Variants in GRID2 observed in about 807,000 individuals in gnomAD.
GRID2 encodes glutamate receptor ionotropic, delta-2.
Under a neutral mutation model 114.8 loss-of-function variants are expected in GRID2, and 33 were observed. That is an observed-to-expected ratio of 0.29 (90% CI 0.22 to 0.38). GRID2 has a LOEUF of 0.38. GRID2 is among the 10% of genes least tolerant of loss of function. GRID2 has a pLI of 1.00. For synonymous variants in GRID2, 505 were observed against 449.9 expected, an observed-to-expected ratio of 1.12 and a Z score of -1.55; for missense variants, 1,184 against 1,257.7, an observed-to-expected ratio of 0.94 and a Z score of 0.89.
At chr4:92,944,113 A>C (rs1034078868) in intron 2 of GRID2, among the ~76,000 whole-genome samples, 1 of 152,206 alleles carries the variant, frequency 6.6e-6, no homozygotes, top group Non-Finnish European at 1.5e-5. Flanking sequence ...CAAAGCTGTC[A>C]GACAGGTACA....
At chr4:92,424,676 T>C (rs1374938932) in intron 1 of GRID2, among the ~76,000 whole-genome samples, 2 of 151,312 alleles carry the variant, frequency 1.3e-5, no homozygotes, top group Non-Finnish European at 3.0e-5. Context: ...AATAAGTGAG[T>C]CAATTTAACA....
chr4:92,883,518 A>G (rs1746160466), intron 2 of GRID2, among the ~76,000 whole-genome samples: 1 of 152,192 alleles, frequency 6.6e-6, no homozygotes, highest in African/African-American at 2.4e-5. Context: ...TTATTTTCCC[A>G]GATTCATCAG....
intron 1 of GRID2, among the ~76,000 whole-genome samples, chr4:92,363,481 A>G (rs1445796820): frequency 2.0e-5 from 3 of 152,032 alleles, no homozygotes; most frequent in Non-Finnish European, 4.4e-5. Flanking sequence ...GAAAAAAACC[A>G]CTACTGCCTA....
chr4:92,825,411 G>A (rs954512169), intron 2 of GRID2, among the ~76,000 whole-genome samples: 8 of 152,114 alleles, frequency 5.3e-5, no homozygotes, highest in Non-Finnish European at 1.0e-4. Flanking sequence ...CTATGGCACC[G>A]AGGAGGGTTA....
rs1054552549 is a variant in GRID2 at position 92,537,605 on chromosome 4, A to G, written c.89-52526A>G. Among the ~76,000 whole-genome samples, 28 of 152,168 alleles carry G rather than the reference A, an allele frequency of 1.8e-4. 1 individual carries two copies. Among genetic ancestry groups the G allele is most frequent in the Non-Finnish European group, 1.2e-4 (8 of 68,032 alleles). On this transcript the variant is annotated intron_variant, in intron 1 of 15. Coordinates refer to ENST00000282020, the MANE Select transcript of GRID2 (RefSeq NM_001510.4). ...TTCCTGCTACAATCTACCCAGAACA[A>G]ATATGCTATATTATATGAGTAATTA...
chr4:93,166,698 G>GAGCT (rs1738283310), intron 4 of GRID2, among the ~76,000 whole-genome samples: 2 of 152,114 alleles, frequency 1.3e-5, no homozygotes, highest in African/African-American at 2.4e-5. Context: ...CTTCTGGCCA[G>GAGCT]AGCTGCTTGT....
At chr4:92,864,381 G>T (rs570281755) in intron 2 of GRID2, among the ~76,000 whole-genome samples, 1 of 152,288 alleles carries the variant, frequency 6.6e-6, no homozygotes, top group African/African-American at 2.4e-5. Flanking sequence ...CAGACACAGT[G>T]AATGATTCCT....
At chr4:92,927,530 C>T (rs1749902665) in intron 2 of GRID2, among the ~76,000 whole-genome samples, 1 of 151,700 alleles carries the variant, frequency 6.6e-6, no homozygotes. Flanking sequence ...AAACCTGATC[C>T]TAGGTACAAA....
intron 1 of GRID2, among the ~76,000 whole-genome samples, chr4:92,522,869 C>G (rs539688915): frequency 6.6e-6 from 1 of 151,906 alleles, no homozygotes; most frequent in South Asian, 2.1e-4. Context: ...CAAATAGAGA[C>G]AAAAAACGAG....
At chr4:92,449,676 G>GATATATATATATAT (rs371209786) in intron 1 of GRID2, among the ~76,000 whole-genome samples, 1,179 of 96,610 alleles carry the variant, frequency 0.012, 33 homozygotes, top group Non-Finnish European at 0.016. Context: ...TTTTCTTACT[G>GATATATATATATAT]ATATATATAT....
intron 2 of GRID2, among the ~76,000 whole-genome samples, chr4:92,770,443 G>C (rs1218794249): frequency 6.6e-6 from 1 of 152,118 alleles, no homozygotes; most frequent in Non-Finnish European, 1.5e-5. Context: ...CCATACTTTT[G>C]GGTATCTTTT....
At chr4:93,145,865 TACACACAC>T (rs10605314) in intron 4 of GRID2, among the ~76,000 whole-genome samples, 1 of 147,876 alleles carries the variant, frequency 6.8e-6, no homozygotes, top group Admixed American at 6.8e-5. Flanking sequence ...CACACACACA[TACACACAC>T]ACACACACAC....
At chr4:93,246,908 T>C (rs1326524293) in intron 8 of GRID2, among the ~76,000 whole-genome samples, 1 of 152,156 alleles carries the variant, frequency 6.6e-6, no homozygotes, top group African/African-American at 2.4e-5. Flanking sequence ...TTGTTTCAGC[T>C]TCTTAGGGAG....
intron 13 of GRID2, among the ~76,000 whole-genome samples, chr4:93,532,878 A>G (rs985886734): frequency 6.6e-6 from 1 of 152,104 alleles, no homozygotes; most frequent in African/African-American, 2.4e-5. Context: ...ACTCCTAACA[A>G]CATTTCACAG....
intron 2 of GRID2, among the ~76,000 whole-genome samples, chr4:92,768,824 A>G (rs1211052102): frequency 6.6e-6 from 1 of 152,144 alleles, no homozygotes; most frequent in Non-Finnish European, 1.5e-5. Context: ...CCCATAATTC[A>G]ATCACCTCCC....
chr4:93,146,677 A>C (rs982937417), intron 4 of GRID2, among the ~76,000 whole-genome samples: 3 of 142,718 alleles, frequency 2.1e-5, no homozygotes, highest in Admixed American at 7.3e-5. Context: ...TAAAGGAAAG[A>C]GCCACTACAG....
chr4:92,411,251 A>G (rs533018382), intron 1 of GRID2, among the ~76,000 whole-genome samples: 54 of 152,240 alleles, frequency 3.5e-4, no homozygotes, highest in African/African-American at 1.3e-3. Flanking sequence ...TTCTCCTCAA[A>G]TTATTTTTAC....
At chr4:93,351,488 A>G (rs75807564) in intron 8 of GRID2, among the ~76,000 whole-genome samples, 6,062 of 152,126 alleles carry the variant, frequency 0.04, 163 homozygotes, top group South Asian at 0.067. Flanking sequence ...ATTCATTTAC[A>G]TTTACAATTA....
chr4:92,882,235 T>G (rs1339345014), intron 2 of GRID2, among the ~76,000 whole-genome samples: 1 of 152,208 alleles, frequency 6.6e-6, no homozygotes, highest in Non-Finnish European at 1.5e-5. Context: ...TCAGAAGCTG[T>G]GAACGCTGCA....
Sources: allele counts gnomAD v4.1 joint callset (sites outside exome capture counted in the v4.1 genomes callset), GRCh38; gene constraint gnomAD v4.1.1; transcripts MANE v1.5; gene names NCBI Gene and HGNC (gene_info 2026-07-23, HGNC 2026-07-21).